Variants in AGFG1 observed in about 807,000 individuals in gnomAD.
AGFG1 encodes arf-GAP domain and FG repeat-containing protein 1.
A neutral mutation model predicts 60.6 loss-of-function variants in AGFG1; 10 were observed. That is an observed-to-expected ratio of 0.16 (90% CI 0.10 to 0.28). The LOEUF is 0.28. Ranked by LOEUF, AGFG1 falls within the 10% of genes least tolerant of loss-of-function variation. The pLI is 1.00. For missense variants in AGFG1, 537 were observed against 676.5 expected (o/e 0.79, Z 2.29); for synonymous variants, 247 against 242.9 (o/e 1.02, Z -0.16).
intron 2 of AGFG1, among the ~76,000 whole-genome samples, chr2:227,491,980 G>C (rs1690833362): frequency 1.3e-5 from 2 of 152,112 alleles, no homozygotes; most frequent in Non-Finnish European, 2.9e-5. Context: ...TTGTGATGTT[G>C]TGTTAAACTT....
intron 5 of AGFG1, among the ~76,000 whole-genome samples, chr2:227,526,240 C>T (rs925477819): frequency 3.3e-5 from 5 of 151,928 alleles, no homozygotes; most frequent in East Asian, 1.9e-4. Context: ...GCTCTCTCGC[C>T]GAGGCTGGAG....
chr2:227,548,713 G>A (rs547969953), intron 10 of AGFG1, among the ~76,000 whole-genome samples: 200 of 152,204 alleles, frequency 1.3e-3, no homozygotes, highest in African/African-American at 4.6e-3. Context: ...CGAGGCAGGC[G>A]GATCACGAGG....
At chr2:227,486,731 C>G (rs1575065612) in intron 1 of AGFG1, among the ~76,000 whole-genome samples, 2 of 152,110 alleles carry the variant, frequency 1.3e-5, no homozygotes, top group Non-Finnish European at 2.9e-5. Flanking sequence ...TAGTAGAGAG[C>G]CAAAGAACTT....
At chr2:227,550,691 T>C (rs978006214) in intron 10 of AGFG1, among the ~76,000 whole-genome samples, 1 of 152,230 alleles carries the variant, frequency 6.6e-6, no homozygotes, top group African/African-American at 2.4e-5. Flanking sequence ...ATTGCATTGT[T>C]ACAAACATAC....
chr2:227,545,365 T>G (rs982285894), intron 10 of AGFG1, among the ~76,000 whole-genome samples: 1 of 152,244 alleles, frequency 6.6e-6, no homozygotes, highest in African/African-American at 2.4e-5. Context: ...TCGTCTAATC[T>G]TTCTTCAAGG....
chr2:227,474,324 G>A (rs1204115389), intron 1 of AGFG1, among the ~76,000 whole-genome samples: 1 of 152,156 alleles, frequency 6.6e-6, no homozygotes, highest in Non-Finnish European at 1.5e-5. Context: ...TAAAGTATTT[G>A]ATTTGGAAAA....
chr2:227,550,825 T>A (rs1692797056), intron 10 of AGFG1, among the ~76,000 whole-genome samples: 1 of 152,202 alleles, frequency 6.6e-6, no homozygotes, highest in Admixed American at 6.5e-5. Context: ...AACAAATTGG[T>A]AAATTTGTTA....
chr2:227,505,207 T>C (rs377729074), intron 2 of AGFG1, among the ~76,000 whole-genome samples: 1 of 151,426 alleles, frequency 6.6e-6, no homozygotes, highest in South Asian at 2.1e-4. Flanking sequence ...ATCTCATACT[T>C]ATATTGTTTT....
chr2:227,480,894 C>G (rs893309276), intron 1 of AGFG1, among the ~76,000 whole-genome samples: 9 of 152,086 alleles, frequency 5.9e-5, no homozygotes, highest in African/African-American at 2.2e-4. Flanking sequence ...AATACTTTAC[C>G]CTTGGAACTT....
Position 227,554,538 on chromosome 2 carries a change from C to T in AGFG1, c.*43C>T, listed in dbSNP as rs1401605658. The T allele has an allele frequency of 4.1e-6, 6 of 1,458,584 alleles. No individual in the cohort carries two copies. The African/African-American group carries it at 5.6e-5, about 14-fold the overall frequency. 90.4% of individuals were successfully genotyped at this position (1,458,584 alleles called of 1,614,324 possible). On this transcript the variant is annotated 3_prime_UTR_variant, in exon 13 of 13. Transcript: ENST00000310078. ...ACTGGAACGAACTTTTATGTGGTCA[C>T]ATTACATCTCTCCACCTCTTGCACT...
rs536187417 is a variant in AGFG1 at position 227,546,640 on chromosome 2, T to G, written c.1379-5319T>G. Reference sequence around the variant, plus strand: ...GGAACTCCCTTCTGGGGCTGTAGCTTTTTAAAAAACTGTAATATTACATAG... The same window carrying G: ...GGAACTCCCTTCTGGGGCTGTAGCTGTTTAAAAAACTGTAATATTACATAG... On this transcript the variant is annotated intron_variant, in intron 10 of 12. Coordinates refer to ENST00000310078, the MANE Select transcript of AGFG1 (RefSeq NM_004504.5). 2.0e-4 allele frequency among the ~76,000 whole-genome samples: 31 copies of G among 152,350 alleles called. 1 individual carries two copies. In the South Asian group the frequency reaches 6.4e-3, roughly 32 times the overall value.
intron 5 of AGFG1, among the ~76,000 whole-genome samples, chr2:227,527,552 TA>T (rs1692034672): frequency 6.6e-6 from 1 of 152,230 alleles, no homozygotes; most frequent in Non-Finnish European, 1.5e-5. Flanking sequence ...TCTTTATGCT[TA>T]AACAGTGTAA....
chr2:227,500,210 T>A (rs1691113277), intron 2 of AGFG1, among the ~76,000 whole-genome samples: 1 of 152,206 alleles, frequency 6.6e-6, no homozygotes, highest in African/African-American at 2.4e-5. Flanking sequence ...CAAGAACTTC[T>A]TGTTGATTTG....
At position 227,484,688 on chromosome 2, in the gene AGFG1, G is replaced by GTTTTTTTTT. The variant is rs745570416; in HGVS notation, c.168-6834_168-6826dup. 2.0e-3 allele frequency among the ~76,000 whole-genome samples: 51 copies of GTTTTTTTTT among 24,978 alleles called. 1 individual carries two copies. Among genetic ancestry groups the GTTTTTTTTT allele is most frequent in the East Asian group, 6.4e-3 (2 of 314 alleles). 16.4% of individuals were successfully genotyped at this position (24,978 alleles called of 152,430 possible). On this transcript the variant is annotated intron_variant, in intron 1 of 12. Coordinates refer to ENST00000310078, the MANE Select transcript of AGFG1 (RefSeq NM_004504.5). ...ATGAAGATCTCTTAGTTTTTTTTTT[G>GTTTTTTTTT]TTTTTTTTTTTTTTTTTTTTTTTTT...
At chr2:227,514,018 A>G (rs1474581606) in intron 2 of AGFG1, among the ~76,000 whole-genome samples, 1 of 152,174 alleles carries the variant, frequency 6.6e-6, no homozygotes, top group African/African-American at 2.4e-5. Context: ...ACAAAATGCT[A>G]GAAGTTCAGA....
At chr2:227,474,713 G>A (rs576977225) in intron 1 of AGFG1, among the ~76,000 whole-genome samples, 22 of 152,224 alleles carry the variant, frequency 1.4e-4, no homozygotes, top group Non-Finnish European at 2.6e-4. Flanking sequence ...AAATGATACA[G>A]CTTCTCTGGG....
At chr2:227,482,644 G>A (rs1469680173) in intron 1 of AGFG1, among the ~76,000 whole-genome samples, 2 of 152,170 alleles carry the variant, frequency 1.3e-5, no homozygotes, top group Admixed American at 1.3e-4. Context: ...TTCTCCCACA[G>A]CAGGAGAAAA....
At chr2:227,518,910 C>T (rs1368723480) in intron 2 of AGFG1, among the ~76,000 whole-genome samples, 2 of 152,152 alleles carry the variant, frequency 1.3e-5, no homozygotes, top group African/African-American at 2.4e-5. Flanking sequence ...TGGTGGCTCG[C>T]GCCTGTAATC....
Position 227,533,477 on chromosome 2 carries a change from T to C in AGFG1, c.815-72T>C. Reference sequence around the variant, plus strand: ...ATAGGACATTTAATTTAGGAAGAAATGATCATACAGTCTATGAGAGGGTAC... The same window carrying C: ...ATAGGACATTTAATTTAGGAAGAAACGATCATACAGTCTATGAGAGGGTAC... On this transcript the variant is annotated intron_variant, in intron 6 of 12. Coordinates refer to ENST00000310078, the MANE Select transcript of AGFG1 (RefSeq NM_004504.5). 4 of 1,283,286 alleles carry C rather than the reference T, an allele frequency of 3.1e-6. No individual in the cohort carries two copies. The South Asian group carries it at 3.8e-5, about 12-fold the overall frequency. 79.5% of individuals were successfully genotyped at this position (1,283,286 alleles called of 1,614,324 possible). A position where few individuals can be genotyped will look rare whatever the true frequency, so the allele number is the denominator to read the frequency against.
Sources: allele counts gnomAD v4.1 joint callset (sites outside exome capture counted in the v4.1 genomes callset), GRCh38; gene constraint gnomAD v4.1.1; transcripts MANE v1.5; gene names NCBI Gene and HGNC (gene_info 2026-07-23, HGNC 2026-07-21).